ROBO2: variants seen among roughly 807,000 people sequenced by gnomAD.
ROBO2 encodes roundabout homolog 2.
Under a neutral mutation model 160.8 loss-of-function variants are expected in ROBO2, and 53 were observed. That is an observed-to-expected ratio of 0.33 (90% CI 0.26 to 0.41). The LOEUF is 0.41. Among genes scored for constraint, ROBO2 ranks in the 10% least tolerant of loss-of-function variants. The pLI, the probability that ROBO2 is intolerant of heterozygous loss-of-function variation, is 1.00. For missense variants in ROBO2, 1,577 were observed against 1,722.4 expected (o/e 0.92, Z 1.49); for synonymous variants, 664 against 611.7 (o/e 1.09, Z -1.26).
At chr3:77,270,010 G>A (rs2059388321) in intron 2 of ROBO2, among the ~76,000 whole-genome samples, 2 of 152,122 alleles carry the variant, frequency 1.3e-5, no homozygotes, top group Non-Finnish European at 2.9e-5. Flanking sequence ...GATGTAAATT[G>A]AATGTGTCAA....
At chr3:77,370,613 C>G (rs760120405) in intron 2 of ROBO2, among the ~76,000 whole-genome samples, 1 of 152,232 alleles carries the variant, frequency 6.6e-6, no homozygotes, top group Non-Finnish European at 1.5e-5. Flanking sequence ...CAAACCACGG[C>G]CACATGCCAG....
chr3:76,745,407 A>G (rs1054181687), intron 2 of ROBO2, among the ~76,000 whole-genome samples: 1 of 152,216 alleles, frequency 6.6e-6, no homozygotes, highest in African/African-American at 2.4e-5. Flanking sequence ...CATTGCAATA[A>G]GATGAAAGAC....
At chr3:77,211,103 C>G (rs1424044434) in intron 2 of ROBO2, among the ~76,000 whole-genome samples, 1 of 152,098 alleles carries the variant, frequency 6.6e-6, no homozygotes, top group Admixed American at 6.5e-5. Context: ...GGTATATACC[C>G]AGTAATGGGA....
At chr3:76,765,065 C>T (rs2061504194) in intron 2 of ROBO2, among the ~76,000 whole-genome samples, 1 of 151,668 alleles carries the variant, frequency 6.6e-6, no homozygotes, top group Non-Finnish European at 1.5e-5. Context: ...CTCTCCGACC[C>T]TTCCACCCTC....
chr3:76,357,701 C>T (rs541789269), intron 2 of ROBO2, among the ~76,000 whole-genome samples: 47 of 151,752 alleles, frequency 3.1e-4, no homozygotes, highest in African/African-American at 7.2e-4. Context: ...GGATTATGAA[C>T]GAAGATATCT....
In ROBO2 at chr3:77,310,044, C is replaced by T. The variant is rs572852620; in HGVS notation, c.389-167370C>T. On this transcript the variant is annotated intron_variant, in intron 2 of 25. Coordinates refer to ENST00000461745, the Ensembl canonical transcript of ROBO2. ...AAGCTTCAAGTTTGTTTTCTATGTA[C>T]GGTCTAACATGGCCATGCAGATATT... Among the ~76,000 whole-genome samples, 66 of 152,204 alleles carry T rather than the reference C, an allele frequency of 4.3e-4. 1 individual carries two copies. The highest frequency in any genetic ancestry group is 1.4e-3 in the African/African-American group (60 of 41,540).
chr3:76,626,905 T>C (rs1207079259), intron 2 of ROBO2, among the ~76,000 whole-genome samples: 3 of 152,086 alleles, frequency 2.0e-5, no homozygotes, highest in Non-Finnish European at 4.4e-5. Flanking sequence ...TTCGCCAGGA[T>C]GGTCTCAATC....
At chr3:76,474,454 C>G (rs1342777752) in intron 2 of ROBO2, among the ~76,000 whole-genome samples, 1 of 152,080 alleles carries the variant, frequency 6.6e-6, no homozygotes, top group Non-Finnish European at 1.5e-5. Context: ...TTATTTCACA[C>G]ATATTTATTA....
At chr3:76,132,210 A>G (rs1307762137) in intron 2 of ROBO2, among the ~76,000 whole-genome samples, 1 of 152,164 alleles carries the variant, frequency 6.6e-6, no homozygotes, top group Non-Finnish European at 1.5e-5. Context: ...GTTCTTTCCC[A>G]TTGGAGTTAC....
chr3:77,318,716 T>A (rs888370696), intron 2 of ROBO2, among the ~76,000 whole-genome samples: 1 of 152,118 alleles, frequency 6.6e-6, no homozygotes, highest in East Asian at 1.9e-4. Context: ...AGATAATACA[T>A]GTAAAGTGAA....
intron 2 of ROBO2, among the ~76,000 whole-genome samples, chr3:76,044,830 A>G (rs1559862889): frequency 6.6e-6 from 1 of 152,050 alleles, no homozygotes; most frequent in Non-Finnish European, 1.5e-5. Context: ...TGTCTAGGTT[A>G]GCTGTCTCTG....
At chr3:77,516,970 G>A (rs1459110724) in intron 5 of ROBO2, among the ~76,000 whole-genome samples, 1 of 151,538 alleles carries the variant, frequency 6.6e-6, no homozygotes. Context: ...CTCAGGCACT[G>A]TTTGGTTAGA....
chr3:77,280,727 C>T (rs1182663923), intron 2 of ROBO2, among the ~76,000 whole-genome samples: 1 of 152,130 alleles, frequency 6.6e-6, no homozygotes, highest in Non-Finnish European at 1.5e-5. Flanking sequence ...TGTTGTGACT[C>T]TTTGACAATA....
intron 2 of ROBO2, among the ~76,000 whole-genome samples, chr3:76,602,140 C>A (rs2087199726): frequency 1.3e-5 from 2 of 152,202 alleles, no homozygotes; most frequent in African/African-American, 4.8e-5. Context: ...TTGTTCATAT[C>A]ACTATCAGGC....
chr3:75,974,325 T>A (rs540483809), intron 2 of ROBO2, among the ~76,000 whole-genome samples: 1 of 151,820 alleles, frequency 6.6e-6, no homozygotes, highest in South Asian at 2.1e-4. Context: ...TAAGTATTAA[T>A]TTTTTGTTCA....
chr3:76,824,174 T>G (rs894272778), intron 2 of ROBO2, among the ~76,000 whole-genome samples: 1 of 152,154 alleles, frequency 6.6e-6, no homozygotes, highest in Non-Finnish European at 1.5e-5. Flanking sequence ...ACCTCTCAAG[T>G]TCCAGAGAAG....
In ROBO2 at chr3:77,099,071, C is replaced by CTTTTTTTTTTT. The variant is rs750626067; in HGVS notation, c.388+739_388+749dup. Among the ~76,000 whole-genome samples the CTTTTTTTTTTT allele has an allele frequency of 3.9e-4, 47 of 121,234 alleles. 1 individual carries two copies. Among genetic ancestry groups the CTTTTTTTTTTT allele is most frequent in the East Asian group, 7.8e-4 (3 of 3,854 alleles). The allele number at this position is 121,234 out of a possible 152,430, so 79.5% of individuals were successfully genotyped here. ...AACAAAATTGTACTTTTCTTTCTTT[C>CTTTTTTTTTTT]TTTTTTTTTTTTTTTTTTGAGACAG... On this transcript the variant is annotated intron_variant, in intron 2 of 25. Coordinates refer to ENST00000461745, the Ensembl canonical transcript of ROBO2.
intron 2 of ROBO2, among the ~76,000 whole-genome samples, chr3:77,112,643 G>A (rs947113698): frequency 5.9e-5 from 9 of 152,190 alleles, no homozygotes; most frequent in South Asian, 2.1e-4. Flanking sequence ...AGATCCTATC[G>A]TTCCTACCCG....
intron 2 of ROBO2, among the ~76,000 whole-genome samples, chr3:76,187,341 C>CG (rs1701812283): frequency 2.0e-5 from 3 of 152,100 alleles, no homozygotes; most frequent in Non-Finnish European, 4.4e-5. Context: ...GTGGTATGAA[C>CG]ATGGCTTATC....
Sources: gnomAD v4.1 joint callset for allele counts (sites outside exome capture counted in the v4.1 genomes callset) on GRCh38, gnomAD v4.1.1 for gene constraint, MANE v1.5 for transcripts, NCBI Gene and HGNC (gene_info 2026-07-23, HGNC 2026-07-21) for gene names.